SH3RF3: variants seen among roughly 807,000 people sequenced by gnomAD.
SH3RF3 encodes E3 ubiquitin-protein ligase SH3RF3.
SH3RF3 carries 29 observed loss-of-function variants against 66.3 expected under a neutral mutation model. That is an observed-to-expected ratio of 0.44 (90% CI 0.33 to 0.60). The LOEUF (loss-of-function observed/expected upper bound fraction) is 0.60. Among genes scored for constraint, SH3RF3 ranks in the 20% least tolerant of loss-of-function variants. The probability of loss-of-function intolerance (pLI) is 0.04; values close to 1 mark genes in which losing one functional copy is unlikely to be tolerated. For missense variants in SH3RF3, 1,194 were observed against 1,190.9 expected (o/e 1.00, Z -0.04); for synonymous variants, 583 against 532.0 (o/e 1.10, Z -1.32).
At chr2:109,309,782 A>T (rs555504875) in intron 1 of SH3RF3, among the ~76,000 whole-genome samples, 1 of 123,414 alleles carries the variant, frequency 8.1e-6, no homozygotes, top group East Asian at 2.3e-4. Context: ...ATTCAACAAG[A>T]AGAGCTAACT....
At chr2:109,386,770 C>T (rs186080274) in intron 3 of SH3RF3, among the ~76,000 whole-genome samples, 1 of 152,286 alleles carries the variant, frequency 6.6e-6, no homozygotes, top group East Asian at 1.9e-4. Context: ...GAAGAGGAAA[C>T]CTTTGCTAGA....
At position 109,501,874 on chromosome 2, in the gene SH3RF3, G is replaced by C; in HGVS notation, c.*203G>C. 1 of 553,060 alleles carries C rather than the reference G, an allele frequency of 1.8e-6. No homozygotes were observed. The highest frequency in any genetic ancestry group is 2.5e-5 in the South Asian group (1 of 39,394). 34.3% of individuals were successfully genotyped at this position (553,060 alleles called of 1,614,324 possible). On this transcript the variant is annotated 3_prime_UTR_variant, in exon 10 of 10. Coordinates refer to ENST00000309415, the MANE Select transcript of SH3RF3 (RefSeq NM_001099289.3). ...AACCCCCAAACGGAGAGCACACCTG[G>C]GATGTTCTTCAAGGAAATGCCCACC...
chr2:109,208,000 G>A (rs905173225), intron 1 of SH3RF3, among the ~76,000 whole-genome samples: 2 of 152,084 alleles, frequency 1.3e-5, no homozygotes, highest in Non-Finnish European at 2.9e-5. Flanking sequence ...TTAAATTCTG[G>A]TGAGATTTAA....
chr2:109,398,188 T>G (rs1676203412), intron 3 of SH3RF3, among the ~76,000 whole-genome samples: 1 of 152,228 alleles, frequency 6.6e-6, no homozygotes, highest in Non-Finnish European at 1.5e-5. Flanking sequence ...GCTGGGAACC[T>G]GCTGTCATGG....
chr2:109,190,228 C>T (rs932052775), intron 1 of SH3RF3, among the ~76,000 whole-genome samples: 7 of 151,652 alleles, frequency 4.6e-5, no homozygotes, highest in African/African-American at 1.7e-4. Context: ...GGCTGGAGTG[C>T]AGTGGCGTGA....
chr2:109,232,063 T>G (rs978619184), intron 1 of SH3RF3, among the ~76,000 whole-genome samples: 1 of 152,256 alleles, frequency 6.6e-6, no homozygotes, highest in African/African-American at 2.4e-5. Context: ...TGTTTTCACT[T>G]TGGGGCTATT....
At chr2:109,469,468 C>T (rs1306585223) in intron 8 of SH3RF3, among the ~76,000 whole-genome samples, 3 of 152,210 alleles carry the variant, frequency 2.0e-5, no homozygotes, top group African/African-American at 7.2e-5. Flanking sequence ...GCCTGTTGTG[C>T]AGGGGTCACA....
At chr2:109,311,868 A>C (rs2105429091) in intron 1 of SH3RF3, among the ~76,000 whole-genome samples, 1 of 152,066 alleles carries the variant, frequency 6.6e-6, no homozygotes, top group South Asian at 2.1e-4. Context: ...TTAAAGTTTG[A>C]AGTTGTTTTC....
Position 109,398,801 on chromosome 2 carries a change from G to A in SH3RF3, c.1157G>A (p.Ser386Asn), listed in dbSNP as rs563047360. The A allele has an allele frequency of 5.0e-6, 8 of 1,613,852 alleles. No individual in the cohort carries two copies. The highest frequency in any genetic ancestry group is 4.5e-5 in the East Asian group (2 of 44,876). Residue 386 changes from serine (S) to asparagine (N), a missense_variant, in exon 4 of 10, where the codon AGT becomes AAT. Ser to Asn is a conservative substitution (Grantham distance 46). Coordinates refer to ENST00000309415, the MANE Select transcript of SH3RF3 (RefSeq NM_001099289.3). ...AAACGCCACTCCTTCACCGCGCTCA[G>A]TGTGACGCACAGATCCTCCCAGGCT... is the stretch of plus-strand genomic sequence containing the variant. ...TKKRHSFTAL[S>N]VTHRSSQAAS...
At chr2:109,481,767 G>A (rs917425760) in intron 8 of SH3RF3, among the ~76,000 whole-genome samples, 2 of 152,058 alleles carry the variant, frequency 1.3e-5, no homozygotes, top group Admixed American at 6.6e-5. Flanking sequence ...GTCACTCCTC[G>A]GCCTCCCCTC....
At chr2:109,432,478 C>T (rs1440954071) in intron 5 of SH3RF3, 23 bp from the exon 6 acceptor site, 2 of 1,612,076 alleles carry the variant, frequency 1.2e-6, no homozygotes, top group Non-Finnish European at 1.7e-6. Context: ...CCCACTGACA[C>T]TGGCCCCATG....
chr2:109,264,771 C>G (rs1180085644), intron 1 of SH3RF3, among the ~76,000 whole-genome samples: 1 of 152,226 alleles, frequency 6.6e-6, no homozygotes, highest in Non-Finnish European at 1.5e-5. Flanking sequence ...TCTCATTCTT[C>G]TGAGGGCCGT....
chr2:109,356,458 G>C (rs779262540), intron 2 of SH3RF3, among the ~76,000 whole-genome samples: 2 of 152,170 alleles, frequency 1.3e-5, no homozygotes, highest in Admixed American at 1.3e-4. Flanking sequence ...CACGACACTC[G>C]ACATGCTTGG....
chr2:109,417,457 C>T (rs1676756294), intron 4 of SH3RF3, among the ~76,000 whole-genome samples: 1 of 152,158 alleles, frequency 6.6e-6, no homozygotes, highest in South Asian at 2.1e-4. Context: ...GAAGGAATGC[C>T]CCCTTCCAGC....
intron 8 of SH3RF3, among the ~76,000 whole-genome samples, chr2:109,466,475 A>G (rs1305797118): frequency 6.6e-6 from 1 of 152,128 alleles, no homozygotes; most frequent in Non-Finnish European, 1.5e-5. Context: ...TTCTTTGTAC[A>G]TTTTAGATAT....
At chr2:109,441,894 AC>A (rs1188447555) in intron 7 of SH3RF3, among the ~76,000 whole-genome samples, 1 of 152,246 alleles carries the variant, frequency 6.6e-6, no homozygotes, top group Non-Finnish European at 1.5e-5. Context: ...TAACCAAAAA[AC>A]ATACTGAAAG....
chr2:109,348,246 G>A (rs1378061871), intron 2 of SH3RF3, among the ~76,000 whole-genome samples: 1 of 152,246 alleles, frequency 6.6e-6, no homozygotes, highest in Non-Finnish European at 1.5e-5. Flanking sequence ...AGAACCCTCA[G>A]TTAACCTGAG....
intron 8 of SH3RF3, among the ~76,000 whole-genome samples, chr2:109,459,887 C>T (rs1427709894): frequency 1.2e-4 from 19 of 152,160 alleles, no homozygotes; most frequent in Admixed American, 1.2e-3. Flanking sequence ...CCCATGATTC[C>T]TGGGCCCATG....
chr2:109,140,793 G>A (rs1676929399), intron 1 of SH3RF3, among the ~76,000 whole-genome samples: 1 of 152,192 alleles, frequency 6.6e-6, no homozygotes. Flanking sequence ...GATGTTAAAG[G>A]TAACATCTCC....
Sources: gnomAD v4.1 joint callset for allele counts (sites outside exome capture counted in the v4.1 genomes callset) on GRCh38, gnomAD v4.1.1 for gene constraint, MANE v1.5 for transcripts, NCBI Gene and HGNC (gene_info 2026-07-23, HGNC 2026-07-21) for gene names.